The following ZMIZ1 variants were observed in gnomAD, a reference collection of about 807,000 sequenced individuals.
ZMIZ1 encodes the protein zinc finger MIZ domain-containing protein 1.
Under a neutral mutation model 113.9 loss-of-function variants are expected in ZMIZ1, and 17 were observed. That is an observed-to-expected ratio of 0.15 (90% CI 0.10 to 0.22). The LOEUF (loss-of-function observed/expected upper bound fraction) is 0.22. Among genes scored for constraint, ZMIZ1 ranks in the 10% least tolerant of loss-of-function variants. The pLI is 1.00. For synonymous variants in ZMIZ1, 607 were observed against 603.1 expected (o/e 1.01, Z -0.09); for missense variants, 1,059 against 1,477.8 (o/e 0.72, Z 4.65).
intron 1 of ZMIZ1, among the ~76,000 whole-genome samples, chr10:79,106,077 A>C (rs752566650): frequency 6.6e-6 from 1 of 152,250 alleles, no homozygotes; most frequent in Non-Finnish European, 1.5e-5. Flanking sequence ...GGGCCAAGGA[A>C]ACCACTCTCG....
chr10:79,241,979 GTGTT>G (rs1564544603), intron 7 of ZMIZ1, among the ~76,000 whole-genome samples: 1 of 152,168 alleles, frequency 6.6e-6, no homozygotes, highest in Non-Finnish European at 1.5e-5. Context: ...ACCTTCCTAA[GTGTT>G]TGGGGCAGTT....
chr10:79,168,369 A>G (rs1846451413), intron 4 of ZMIZ1, among the ~76,000 whole-genome samples: 1 of 151,998 alleles, frequency 6.6e-6, no homozygotes, highest in African/African-American at 2.4e-5. Context: ...TCCCTCCTTC[A>G]TCTGCACACA....
At position 79,293,379 on chromosome 10, in the gene ZMIZ1, A is replaced by G. The variant is rs1222311898; in HGVS notation, c.958-2A>G. 1 of 1,507,914 alleles carries G rather than the reference A, an allele frequency of 6.6e-7. No homozygotes were observed. Among genetic ancestry groups the G allele is most frequent in the East Asian group, 2.3e-5 (1 of 43,780 alleles). The allele number at this position is 1,507,914 out of a possible 1,614,324, so 93.4% of individuals were successfully genotyped here. A position where few individuals can be genotyped will look rare whatever the true frequency, so the allele number is the denominator to read the frequency against. ...CCGTTGAAGGTCTGTTCCTCTTTCC[A>G]GATGGGTCCCACCCAGGCGTATAAC... On this transcript the variant is annotated splice_acceptor_variant, in intron 11 of 24. Coordinates refer to ENST00000334512, the MANE Select transcript of ZMIZ1 (RefSeq NM_020338.4). LOFTEE classifies it high-confidence loss of function.
chr10:79,237,493 A>G (rs938163883), intron 7 of ZMIZ1, among the ~76,000 whole-genome samples: 10 of 152,190 alleles, frequency 6.6e-5, no homozygotes, highest in African/African-American at 2.4e-4. Flanking sequence ...AGTAGGGCCA[A>G]GGTCCCTCAG....
intron 4 of ZMIZ1, among the ~76,000 whole-genome samples, chr10:79,200,216 T>C (rs10128264): frequency 0.63 from 96,410 of 152,134 alleles, 31,572 homozygotes; most frequent in African/African-American, 0.8. Flanking sequence ...CTGGGTGTGA[T>C]CCAAGTGTCT....
At chr10:79,155,689 G>A (rs1845878356) in intron 3 of ZMIZ1, among the ~76,000 whole-genome samples, 1 of 151,162 alleles carries the variant, frequency 6.6e-6, no homozygotes, top group Non-Finnish European at 1.5e-5. Flanking sequence ...GATCAGGACT[G>A]GACAGGGAGC....
intron 23 of ZMIZ1, 60 bp from the exon 24 acceptor site, chr10:79,310,864 C>T: frequency 1.3e-6 from 2 of 1,541,322 alleles, no homozygotes; most frequent in Non-Finnish European, 1.8e-6. Flanking sequence ...TTTCTCCAGG[C>T]ATCATCGCCG....
intron 17 of ZMIZ1, 117 bp from the exon 18 acceptor site, chr10:79,301,990 G>T (rs563622809): frequency 3.7e-5 from 36 of 965,576 alleles, no homozygotes; most frequent in Non-Finnish European, 5.6e-5. Flanking sequence ...GACACCCTGG[G>T]GGAGCCTCCT....
At chr10:79,253,912 ACACACACTCATG>A (rs758531309) in intron 7 of ZMIZ1, among the ~76,000 whole-genome samples, 2 of 152,188 alleles carry the variant, frequency 1.3e-5, no homozygotes, top group Non-Finnish European at 1.5e-5. Flanking sequence ...GCACACTCAC[ACACACACTCATG>A]CACACACTCA....
At chr10:79,223,404 C>T (rs1011045697) in intron 7 of ZMIZ1, among the ~76,000 whole-genome samples, 5 of 152,190 alleles carry the variant, frequency 3.3e-5, no homozygotes, top group Non-Finnish European at 7.3e-5. Flanking sequence ...GGACACCGGC[C>T]CCCACCCCCA....
Position 79,313,593 on chromosome 10 carries a change from GGGGGCGC to G in ZMIZ1, c.*848_*854del, listed in dbSNP as rs1855347524. ...ACCAAAGTGATTGTGCCCTTGGTTG[GGGGGCGC>G]GGGCATATAACCTGTCAGAAGCAAA... On this transcript the variant is annotated 3_prime_UTR_variant, in exon 25 of 25. Transcript: ENST00000334512. The G allele has an allele frequency of 2.4e-5, 5 of 210,894 alleles. No individual in the cohort carries two copies. The highest frequency in any genetic ancestry group is 1.8e-3 in the Middle Eastern group (1 of 560). 13.1% of individuals were successfully genotyped at this position (210,894 alleles called of 1,614,324 possible).
chr10:79,230,777 G>A (rs1849365426), intron 7 of ZMIZ1, among the ~76,000 whole-genome samples: 1 of 152,202 alleles, frequency 6.6e-6, no homozygotes, highest in African/African-American at 2.4e-5. Flanking sequence ...ATGTGCAGGT[G>A]GCCCAGTGGT....
At chr10:79,123,800 G>A (rs1308316914) in intron 2 of ZMIZ1, among the ~76,000 whole-genome samples, 1 of 152,230 alleles carries the variant, frequency 6.6e-6, no homozygotes, top group African/African-American at 2.4e-5. Flanking sequence ...TTACATAGGC[G>A]GTTTGGGGCT....
At chr10:79,301,857 C>A (rs1424940503) in intron 17 of ZMIZ1, among the ~76,000 whole-genome samples, 1 of 152,172 alleles carries the variant, frequency 6.6e-6, no homozygotes, top group Non-Finnish European at 1.5e-5. Context: ...AAGTGGGACC[C>A]AGGCTTAAAG....
At chr10:79,142,253 G>A (rs927571910) in intron 3 of ZMIZ1, among the ~76,000 whole-genome samples, 1 of 152,166 alleles carries the variant, frequency 6.6e-6, no homozygotes, top group Non-Finnish European at 1.5e-5. Context: ...AATATGAGTC[G>A]GGAAGGCAGA....
chr10:79,092,397 A>G lies in ZMIZ1; in HGVS notation c.-337+23127A>G, dbSNP rs369747616. On this transcript the variant is annotated intron_variant, in intron 1 of 24. Transcript: ENST00000334512. ...CCAACAAGCCATGTGATCTTGGGTCAGTCACCTCCCTCTTCCAGGCCTTGG... is the reference window on the plus strand; with the variant it reads ...CCAACAAGCCATGTGATCTTGGGTCGGTCACCTCCCTCTTCCAGGCCTTGG... Among the ~76,000 whole-genome samples, 23 of 152,372 alleles carry G rather than the reference A, an allele frequency of 1.5e-4. No homozygotes were observed. The East Asian group carries it at 3.5e-3, about 23-fold the overall frequency.
chr10:79,194,685 TC>T (rs1847758429), intron 4 of ZMIZ1, among the ~76,000 whole-genome samples: 1 of 152,198 alleles, frequency 6.6e-6, no homozygotes, highest in South Asian at 2.1e-4. Flanking sequence ...CGTGTCCTCT[TC>T]CTCTCCCCAC....
intron 4 of ZMIZ1, among the ~76,000 whole-genome samples, chr10:79,190,979 T>C (rs1335945429): frequency 6.6e-6 from 1 of 152,138 alleles, no homozygotes; most frequent in African/African-American, 2.4e-5. Flanking sequence ...GAAGACTTCA[T>C]CTCATGTGTT....
intron 2 of ZMIZ1, among the ~76,000 whole-genome samples, chr10:79,125,349 G>A (rs932410707): frequency 6.6e-6 from 1 of 152,336 alleles, no homozygotes; most frequent in Admixed American, 6.5e-5. Flanking sequence ...CCTCATGGTG[G>A]GTACAGAGGC....
Sources: gnomAD v4.1 joint callset for allele counts (sites outside exome capture counted in the v4.1 genomes callset) on GRCh38, gnomAD v4.1.1 for gene constraint, MANE v1.5 for transcripts, NCBI Gene and HGNC (gene_info 2026-07-23, HGNC 2026-07-21) for gene names.